The following ITGA4 variants were observed in gnomAD, a reference collection of about 807,000 sequenced individuals.
The protein encoded by ITGA4 is integrin alpha-4.
In ITGA4, 63 loss-of-function variants were observed where a neutral mutation model predicts 133.6. The observed-to-expected ratio is 0.47, with a 90% CI of 0.38 to 0.58. The LOEUF is 0.58. Ranked by LOEUF, ITGA4 falls within the 20% of genes least tolerant of loss-of-function variation. ITGA4 has a pLI of 0.00. For missense variants in ITGA4, 1,076 were observed against 1,252.7 expected, an observed-to-expected ratio of 0.86 and a Z score of 2.13; for synonymous variants, 483 against 438.0, an observed-to-expected ratio of 1.10 and a Z score of -1.28.
At chr2:181,499,888 C>T (rs1490180810) in intron 15 of ITGA4, among the ~76,000 whole-genome samples, 2 of 152,114 alleles carry the variant, frequency 1.3e-5, no homozygotes, top group South Asian at 2.1e-4. Context: ...CAAAGAAATA[C>T]ATTGTGTTAA....
At chr2:181,482,166 T>C (rs1685818793) in intron 7 of ITGA4, among the ~76,000 whole-genome samples, 194 bp from the exon 8 acceptor site, 1 of 152,150 alleles carries the variant, frequency 6.6e-6, no homozygotes, top group Admixed American at 6.5e-5. Context: ...CCTGAGAAAA[T>C]ACTTTTGCAA....
Position 181,457,652 on chromosome 2 carries a change from C to A in ITGA4, c.-3C>A, listed in dbSNP as rs1409099866. 1 of 1,608,954 alleles carries A rather than the reference C, an allele frequency of 6.2e-7. No individual in the cohort carries two copies. Among genetic ancestry groups the A allele is most frequent in the Non-Finnish European group, 8.5e-7 (1 of 1,178,818 alleles). ...AGTGTTGAATGTTCCCCACCGAGAG[C>A]GCATGGCTTGGGAAGCGAGGCGCGA... On this transcript the variant is annotated 5_prime_UTR_variant, in exon 1 of 28. Transcript: ENST00000397033.
At chr2:181,506,056 T>C (rs1002804928) in intron 15 of ITGA4, among the ~76,000 whole-genome samples, 1 of 152,116 alleles carries the variant, frequency 6.6e-6, no homozygotes, top group African/African-American at 2.4e-5. Context: ...TAATTTAATA[T>C]AAGAATCTCT....
chr2:181,526,825 T>TTTTTTTTTTTTTTTTTTG (rs1686840322), intron 21 of ITGA4, among the ~76,000 whole-genome samples: 1 of 52,292 alleles, frequency 1.9e-5, no homozygotes, highest in Admixed American at 2.0e-4. Context: ...CATGGCCTTT[T>TTTTTTTTTTTTTTTTTTG]TTTTTTTTTT....
At chr2:181,494,457 G>C (rs1574395649) in intron 11 of ITGA4, among the ~76,000 whole-genome samples, 1 of 152,100 alleles carries the variant, frequency 6.6e-6, no homozygotes, top group African/African-American at 2.4e-5. Context: ...GACTTGAGAG[G>C]GAGTAAAGAC....
rs762176587 is a variant in ITGA4 at position 181,457,703 on chromosome 2, C to T, written c.49C>T (p.Arg17Trp). The T allele has an allele frequency of 1.7e-5, 27 of 1,612,080 alleles. No individual in the cohort carries two copies. The African/African-American group carries it at 2.9e-4, about 18-fold the overall frequency. Residue 17 changes from arginine (R) to tryptophan (W), a missense_variant, in exon 1 of 28, where the codon CGG (arginine) becomes TGG (tryptophan). Physicochemically the swap from Arg to Trp is moderately radical, Grantham distance 101. Around this residue, in one of 4 missense-constraint regions of ITGA4, gnomAD observed 82 missense variants for 68.3 expected, o/e 1.20. Transcript: ENST00000397033. ...REPGPRRAAV[R>W]ETVMLLLCLG... ...ACCCGGCCCCCGAAGGGCCGCCGTC[C>T]GGGAGACGGTGATGCTGTTGCTGTG... is the stretch of plus-strand genomic sequence containing the variant.
chr2:181,474,812 G>C (rs1300502085), intron 2 of ITGA4, 148 bp from the exon 3 acceptor site: 1 of 621,878 alleles, frequency 1.6e-6, no homozygotes, highest in African/African-American at 1.8e-5. Context: ...AGTTGGCACA[G>C]AGTAATTCAC....
At position 181,460,295 on chromosome 2, in the gene ITGA4, G is replaced by A. The variant is rs536056005; in HGVS notation, c.319+1978G>A. Among the ~76,000 whole-genome samples, 10 of 152,274 alleles carry A rather than the reference G, an allele frequency of 6.6e-5. No homozygotes were observed. In the South Asian group the frequency reaches 2.1e-3, roughly 32 times the overall value. On this transcript the variant is annotated intron_variant, in intron 2 of 27. Transcript: ENST00000397033. The stretch of plus-strand genomic sequence containing the variant: ...TGCCTTGAGTATTTGCCGAAGAGTT[G>A]ACTGAAGTTATTTCTCATGTAACAT...
At chr2:181,487,413 A>G (rs1685946877) in intron 10 of ITGA4, among the ~76,000 whole-genome samples, 1 of 152,090 alleles carries the variant, frequency 6.6e-6, no homozygotes, top group African/African-American at 2.4e-5. Flanking sequence ...GCATTCCTGT[A>G]TTGACCACTG....
intron 4 of ITGA4, among the ~76,000 whole-genome samples, chr2:181,478,503 G>A (rs1226159397): frequency 6.6e-6 from 1 of 151,988 alleles, no homozygotes; most frequent in Non-Finnish European, 1.5e-5. Context: ...TTACTCATTT[G>A]ACAAAAATTT....
chr2:181,491,535 C>CA lies in ITGA4; in HGVS notation c.1154-1764dup, dbSNP rs1489299957. On this transcript the variant is annotated intron_variant, in intron 10 of 27. Transcript: ENST00000397033. The stretch of plus-strand genomic sequence containing the variant: ...TGGGCGACAGAGCTAAACTCCGTCT[C>CA]AAAAAAAAAAAAAAAAAAAAAAAAA... Among the ~76,000 whole-genome samples the CA allele has an allele frequency of 3.9e-4, 56 of 143,442 alleles. 25 individuals are homozygous for CA. Among genetic ancestry groups the CA allele is most frequent in the African/African-American group, 1.5e-3 (51 of 34,870 alleles). 94.1% of individuals were successfully genotyped at this position (143,442 alleles called of 152,430 possible). A position where few individuals can be genotyped will look rare whatever the true frequency, so the allele number is the denominator to read the frequency against.
intron 27 of ITGA4, 92 bp from the exon 28 acceptor site, chr2:181,535,340 T>C (rs1687039294): frequency 3.2e-6 from 3 of 941,636 alleles, no homozygotes; most frequent in Non-Finnish European, 4.7e-6. Context: ...TTAAGAAATA[T>C]TGGTGTTAAC....
chr2:181,482,623 G>A lies in ITGA4; in HGVS notation c.1013G>A (p.Arg338Lys). 2 of 1,613,718 alleles carry A rather than the reference G, an allele frequency of 1.2e-6. No homozygotes were observed. The highest frequency in any genetic ancestry group is 1.7e-6 in the Non-Finnish European group (2 of 1,179,706). The change falls in exon 9 of 28, where the codon AGA (arginine) becomes AAA (lysine). Residue 338 changes from arginine to lysine, a missense_variant. Around this residue, in one of 4 missense-constraint regions of ITGA4, gnomAD observed 436 missense variants for 590.7 expected, o/e 0.74. Transcript: ENST00000397033. ...PMQSTIREEG[R>K]VFVYINSGSG... Reference sequence around the variant, plus strand: ...CAGAGCACCATCAGAGAGGAAGGAAGAGTGTTTGTGTACATCAACTCTGGC... The same window carrying A: ...CAGAGCACCATCAGAGAGGAAGGAAAAGTGTTTGTGTACATCAACTCTGGC...
At chr2:181,499,929 C>T (rs1420350976) in intron 15 of ITGA4, among the ~76,000 whole-genome samples, 1 of 152,028 alleles carries the variant, frequency 6.6e-6, no homozygotes, top group African/African-American at 2.4e-5. Flanking sequence ...TTATTTAGTC[C>T]TGTGTTTCTT....
At chr2:181,457,924 C>A in intron 1 of ITGA4, 73 bp downstream of exon 1, 2 of 1,389,322 alleles carry the variant, frequency 1.4e-6, no homozygotes, top group Non-Finnish European at 2.0e-6. Context: ...GGATTCCCTG[C>A]CCGATTCAAA....
At chr2:181,529,791 CA>C in intron 23 of ITGA4, 143 bp downstream of exon 23, 1 of 557,510 alleles carries the variant, frequency 1.8e-6, no homozygotes, top group East Asian at 3.0e-5. Context: ...ATGAATTCAC[CA>C]TGCATTTATT....
intron 10 of ITGA4, among the ~76,000 whole-genome samples, chr2:181,490,125 T>TA (rs1216045620): frequency 1.3e-5 from 2 of 152,310 alleles, no homozygotes; most frequent in African/African-American, 4.8e-5. Flanking sequence ...ACAATGTCTG[T>TA]AATCTATAGA....
rs1686755308 is a variant in ITGA4 at position 181,523,205 on chromosome 2, C to T, written c.2074-232C>T. On this transcript the variant is annotated intron_variant, in intron 18 of 27. Transcript: ENST00000397033. The surrounding 1 kb of genome is among the most constrained non-coding windows in gnomAD (Gnocchi z 4.2). ...ATACACATACACATATATATACACA[C>T]ACATATATACACACATATATACATA... 1 of 337,632 alleles carries T rather than the reference C, an allele frequency of 3.0e-6. No individual in the cohort carries two copies. The highest frequency in any genetic ancestry group is 5.6e-6 in the Non-Finnish European group (1 of 177,944). 20.9% of individuals were successfully genotyped at this position (337,632 alleles called of 1,614,324 possible). A position where few individuals can be genotyped will look rare whatever the true frequency, so the allele number is the denominator to read the frequency against.
chr2:181,536,630 T>A lies in ITGA4; in HGVS notation c.*1103T>A, dbSNP rs1028159983. 6.2e-6 allele frequency: 1 copy of A among 160,700 alleles called. No homozygotes were observed. Among genetic ancestry groups the A allele is most frequent in the Non-Finnish European group, 1.4e-5 (1 of 73,342 alleles). The allele number at this position is 160,700 out of a possible 1,614,324, so 10.0% of individuals were successfully genotyped here. A position where few individuals can be genotyped will look rare whatever the true frequency, so the allele number is the denominator to read the frequency against. On this transcript the variant is annotated 3_prime_UTR_variant, in exon 28 of 28. Transcript: ENST00000397033. ...CATAAATTTAGCTGAAAGATACTGATTCAATTTGTATACAGTGAATATAAA... is the reference window on the plus strand; with the variant it reads ...CATAAATTTAGCTGAAAGATACTGAATCAATTTGTATACAGTGAATATAAA...
Sources: gnomAD v4.1 joint callset for allele counts (sites outside exome capture counted in the v4.1 genomes callset) on GRCh38, gnomAD v4.1.1 for gene constraint, gnomAD v4.1.1 regional missense constraint, Gnocchi (gnomAD v3.1) non-coding constraint, MANE v1.5 for transcripts, NCBI Gene and HGNC (gene_info 2026-07-23, HGNC 2026-07-21) for gene names.